The following MGLL variants were observed in gnomAD, a reference collection of about 807,000 sequenced individuals.
MGLL encodes the protein monoglyceride lipase, also known as lysophospholipase homolog.
In MGLL, 7 loss-of-function variants were observed where a neutral mutation model predicts 29.1. The ratio of observed to expected loss-of-function variants is 0.24; its 90% CI spans 0.14 to 0.45. The LOEUF (loss-of-function observed/expected upper bound fraction) is 0.45, where lower values mean the gene tolerates loss of function less well. Ranked by LOEUF, MGLL falls within the 20% of genes least tolerant of loss-of-function variation. MGLL has a pLI of 0.99. For synonymous variants in MGLL, 148 were observed against 168.3 expected (o/e 0.88, Z 0.93); for missense variants, 356 against 413.6 (o/e 0.86, Z 1.21).
At chr3:127,735,596 A>G in intron 3 of MGLL, 2 of 1,201,280 alleles carry the variant, frequency 1.7e-6, no homozygotes, top group Middle Eastern at 5.1e-4. Flanking sequence ...AACACATAAA[A>G]TAAAAAAGCA....
chr3:127,693,062 C>A (rs779090896), intron 7 of MGLL, among the ~76,000 whole-genome samples: 1 of 152,332 alleles, frequency 6.6e-6, no homozygotes, highest in East Asian at 1.9e-4. Context: ...GACTGCCGAC[C>A]TGCCATCTCC....
intron 6 of MGLL, among the ~76,000 whole-genome samples, chr3:127,702,099 T>G (rs1271839598): frequency 2.6e-5 from 4 of 152,176 alleles, no homozygotes; most frequent in Non-Finnish European, 5.9e-5. Context: ...GCTTCCAAGG[T>G]CACACTGAGG....
intron 2 of MGLL, 97 bp downstream of exon 2, chr3:127,821,597 A>T: frequency 1.4e-6 from 2 of 1,434,090 alleles, no homozygotes; most frequent in South Asian, 1.2e-5. Flanking sequence ...GTCATAGAGA[A>T]AGCGGCCCCG....
chr3:127,820,725 C>T (rs1296234646), intron 2 of MGLL, among the ~76,000 whole-genome samples: 1 of 152,212 alleles, frequency 6.6e-6, no homozygotes, highest in East Asian at 1.9e-4. Flanking sequence ...CTGGTAGGAA[C>T]TCTTCTCAGC....
chr3:127,749,667 C>T (rs2076519571), intron 3 of MGLL, among the ~76,000 whole-genome samples: 1 of 152,168 alleles, frequency 6.6e-6, no homozygotes, highest in Non-Finnish European at 1.5e-5. Flanking sequence ...CTTATACACA[C>T]CCCTCATGAC....
intron 2 of MGLL, among the ~76,000 whole-genome samples, chr3:127,813,195 C>T (rs2077695035): frequency 1.3e-5 from 2 of 151,978 alleles, no homozygotes; most frequent in African/African-American, 4.8e-5. Context: ...CCCCTGCTTC[C>T]CTCCTTTTTG....
At position 127,722,627 on chromosome 3, in the gene MGLL, C is replaced by T. The variant is rs920241479; in HGVS notation, c.263-61G>A. 10 of 1,608,334 alleles carry T rather than the reference C, an allele frequency of 6.2e-6. No individual in the cohort carries two copies. The South Asian group carries it at 1.1e-4, about 18-fold the overall frequency. The stretch of plus-strand genomic sequence containing the variant: ...TACCAGGTCGACTCCTACACAAGCC[C>T]AGAGTTCTCCTCACTGCAATCGCTC... On this transcript the variant is annotated intron_variant, in intron 3 of 7. Transcript: ENST00000265052.
intron 2 of MGLL, among the ~76,000 whole-genome samples, chr3:127,803,441 G>A (rs1282993393): frequency 6.6e-6 from 1 of 152,184 alleles, no homozygotes; most frequent in Non-Finnish European, 1.5e-5. Context: ...GTGCCAACCA[G>A]CCTCACAGCA....
rs956783514 is a variant in MGLL, at chr3:127,808,452, T to G, written c.155+13242A>C. Among the ~76,000 whole-genome samples, 5 of 152,152 alleles carry G rather than the reference T, an allele frequency of 3.3e-5. No homozygotes were observed. In the East Asian group the frequency reaches 9.6e-4, roughly 29 times the overall value. On this transcript the variant is annotated intron_variant, in intron 2 of 7. Transcript: ENST00000265052. ...TCCTTCCCAAAAGTCCCAGGGGAAGTCTTATTGATCACTGACTTGCACTGG... is the reference window on the plus strand; with the variant it reads ...TCCTTCCCAAAAGTCCCAGGGGAAGGCTTATTGATCACTGACTTGCACTGG...
At chr3:127,694,324 T>C (rs1267566976) in intron 7 of MGLL, among the ~76,000 whole-genome samples, 2 of 87,146 alleles carry the variant, frequency 2.3e-5, no homozygotes, top group Non-Finnish European at 4.6e-5. Flanking sequence ...TGTGTATATA[T>C]ATATGTGTAT....
intron 3 of MGLL, among the ~76,000 whole-genome samples, chr3:127,780,555 C>T (rs2077106323): frequency 1.3e-5 from 2 of 152,226 alleles, no homozygotes; most frequent in African/African-American, 4.8e-5. Context: ...AACGTCACAA[C>T]TATGATAAGA....
intron 2 of MGLL, among the ~76,000 whole-genome samples, chr3:127,793,802 C>T (rs1361770183): frequency 2.0e-5 from 3 of 152,036 alleles, no homozygotes; most frequent in Admixed American, 1.3e-4. Flanking sequence ...CCTCAGGTGA[C>T]CCACCTGCCT....
intron 3 of MGLL, among the ~76,000 whole-genome samples, chr3:127,740,938 G>T (rs2076329751): frequency 6.6e-6 from 1 of 152,216 alleles, no homozygotes; most frequent in African/African-American, 2.4e-5. Context: ...CCTGGGGCTG[G>T]ACTGGCCCAG....
chr3:127,735,851 G>C, intron 3 of MGLL: 1 of 1,596,070 alleles, frequency 6.3e-7, no homozygotes, highest in Non-Finnish European at 8.5e-7. Context: ...TCTGAATCTA[G>C]TCTGCATCTC....
intron 3 of MGLL, among the ~76,000 whole-genome samples, chr3:127,776,332 C>T (rs886697251): frequency 1.3e-5 from 2 of 151,964 alleles, no homozygotes; most frequent in Non-Finnish European, 2.9e-5. Flanking sequence ...ATCCTGATGC[C>T]CAGGTGACAC....
intron 3 of MGLL, among the ~76,000 whole-genome samples, chr3:127,755,585 T>C (rs2076649401): frequency 6.6e-6 from 1 of 152,204 alleles, no homozygotes; most frequent in Admixed American, 6.5e-5. Context: ...GCCGGGACAC[T>C]GGCACATGTG....
chr3:127,716,216 C>G (rs760606567), intron 5 of MGLL, among the ~76,000 whole-genome samples: 1 of 152,264 alleles, frequency 6.6e-6, no homozygotes, highest in Non-Finnish European at 1.5e-5. Flanking sequence ...AGACGCGAAG[C>G]AGGCACATTT....
Position 127,733,869 on chromosome 3 carries a change from G to A in MGLL, c.263-11303C>T, listed in dbSNP as rs76908913. Among the ~76,000 whole-genome samples the A allele has an allele frequency of 5.2e-3, 794 of 152,318 alleles. 6 individuals are homozygous for A. Among genetic ancestry groups the A allele is most frequent in the African/African-American group, 0.015 (639 of 41,574 alleles). ...GAGCAGAGGGATGGAGTGGCTGGGT[G>A]CGCAGCTGCACCTGGGTGGGTGTGC... is the stretch of plus-strand genomic sequence containing the variant. On this transcript the variant is annotated intron_variant, in intron 3 of 7. Coordinates refer to ENST00000265052, the MANE Select transcript of MGLL (RefSeq NM_007283.7).
intron 6 of MGLL, among the ~76,000 whole-genome samples, chr3:127,696,558 C>A: frequency 6.6e-6 from 1 of 151,612 alleles, no homozygotes; most frequent in East Asian, 1.9e-4. Context: ...GGATTATAGG[C>A]GCCGGCCATC....
Sources: gnomAD v4.1 joint callset for allele counts (sites outside exome capture counted in the v4.1 genomes callset) on GRCh38, gnomAD v4.1.1 for gene constraint, MANE v1.5 for transcripts, NCBI Gene and HGNC (gene_info 2026-07-23, HGNC 2026-07-21) for gene names.